The following NADSYN1 variants were observed in gnomAD, a reference collection of about 807,000 sequenced individuals.
NADSYN1 encodes glutamine-dependent NAD(+) synthetase.
Under a neutral mutation model 99.3 loss-of-function variants are expected in NADSYN1, and 80 were observed. That is an observed-to-expected ratio of 0.81 (90% CI 0.67 to 0.97). The LOEUF is 0.97. Among genes scored for constraint, NADSYN1 ranks in the 50% least tolerant of loss-of-function variants. The probability of loss-of-function intolerance (pLI) is 0.00; values close to 1 mark genes in which losing one functional copy is unlikely to be tolerated. For synonymous variants in NADSYN1, 385 were observed against 372.1 expected (o/e 1.03, Z -0.40); for missense variants, 859 against 948.5 (o/e 0.91, Z 1.24).
At chr11:71,500,202 CCTT>C (rs1260971192) in intron 20 of NADSYN1, among the ~76,000 whole-genome samples, 24 of 152,142 alleles carry the variant, frequency 1.6e-4, no homozygotes, top group Admixed American at 1.6e-3. Flanking sequence ...AGAGTAGTAA[CCTT>C]CTAATCAGGA....
intron 9 of NADSYN1, chr11:71,477,242 C>T (rs867066878): frequency 6.6e-6 from 8 of 1,214,802 alleles, no homozygotes; most frequent in Non-Finnish European, 4.2e-6. Flanking sequence ...AACCTAGCCT[C>T]GGGGAGAGTG....
At chr11:71,463,145 C>A (rs1476630627) in intron 3 of NADSYN1, among the ~76,000 whole-genome samples, 1 of 152,190 alleles carries the variant, frequency 6.6e-6, no homozygotes, top group Non-Finnish European at 1.5e-5. Context: ...GAGGCTGGAA[C>A]ATTCCAGGAG....
chr11:71,473,907 C>T (rs1364647557), intron 8 of NADSYN1, among the ~76,000 whole-genome samples: 2 of 152,256 alleles, frequency 1.3e-5, no homozygotes, highest in East Asian at 3.8e-4. Flanking sequence ...CCCTGTCACC[C>T]TCTCTGCCAT....
At chr11:71,485,308 T>C in intron 15 of NADSYN1, 1 of 348,814 alleles carries the variant, frequency 2.9e-6, no homozygotes, top group Non-Finnish European at 5.2e-6. Context: ...GGGCTCTGGG[T>C]GCTCCCATCT....
chr11:71,463,886 C>T (rs1018709177), intron 4 of NADSYN1, among the ~76,000 whole-genome samples, 167 bp from the exon 5 acceptor site: 5 of 152,194 alleles, frequency 3.3e-5, no homozygotes, highest in Non-Finnish European at 4.4e-5. Context: ...CATGGGGACC[C>T]GAGTCATAGA....
intron 3 of NADSYN1, among the ~76,000 whole-genome samples, chr11:71,463,212 C>G (rs1949561845): frequency 6.6e-6 from 1 of 152,206 alleles, no homozygotes; most frequent in African/African-American, 2.4e-5. Context: ...AGAAGCTCCT[C>G]TAGGCTTAGA....
chr11:71,468,107 T>A (rs1057032434), intron 5 of NADSYN1, among the ~76,000 whole-genome samples: 2 of 152,148 alleles, frequency 1.3e-5, no homozygotes, highest in African/African-American at 2.4e-5. Context: ...AGTGTTAGAA[T>A]CAGTAAATGC....
At chr11:71,458,784 A>T in intron 3 of NADSYN1, 2 of 482,912 alleles carry the variant, frequency 4.1e-6, no homozygotes, top group South Asian at 4.4e-5. Context: ...AGTCCTGTGC[A>T]CACATCAGCA....
In NADSYN1 at chr11:71,490,914, G is replaced by A; in HGVS notation, c.1632G>A (p.Lys544=). Residue 544 remains lysine, a synonymous_variant, in exon 17 of 21, where the codon AAG becomes AAA. Transcript: ENST00000319023. ...TCAACCCCATAGGCGGGATCAGCAA[G>A]ACGGACCTCAGGGCCTTCGTCCAGT... ...ADINPIGGIS[K]TDLRAFVQFC... is the part of the protein sequence containing the mutation. The A allele has an allele frequency of 6.2e-7, 1 of 1,614,228 alleles. No homozygotes were observed. The highest frequency in any genetic ancestry group is 8.5e-7 in the Non-Finnish European group (1 of 1,180,036).
At chr11:71,486,291 C>A (rs139069311) in intron 16 of NADSYN1, among the ~76,000 whole-genome samples, 4 of 152,162 alleles carry the variant, frequency 2.6e-5, no homozygotes, top group African/African-American at 9.7e-5. Context: ...ATCCATCTAT[C>A]CATCCATCAG....
At chr11:71,482,131 C>T (rs981392796) in intron 13 of NADSYN1, 106 bp downstream of exon 13, 8 of 1,001,470 alleles carry the variant, frequency 8.0e-6, no homozygotes, top group East Asian at 2.6e-5. Context: ...CCATGGACAT[C>T]GGGGTGAAGG....
intron 20 of NADSYN1, 157 bp downstream of exon 20, chr11:71,498,685 T>A: frequency 2.6e-6 from 2 of 779,820 alleles, no homozygotes; most frequent in South Asian, 4.1e-5. Flanking sequence ...AAGCGTTTTT[T>A]AAATTTACTT....
intron 5 of NADSYN1, among the ~76,000 whole-genome samples, chr11:71,471,689 A>C (rs1400798768): frequency 1.3e-5 from 2 of 152,204 alleles, no homozygotes; most frequent in Non-Finnish European, 2.9e-5. Flanking sequence ...ATGGCGAGGC[A>C]GCCTGCAGTT....
chr11:71,453,509 T>C (rs2120378532), intron 1 of NADSYN1, 128 bp downstream of exon 1: 2 of 814,624 alleles, frequency 2.5e-6, no homozygotes, highest in Admixed American at 2.3e-5. Context: ...TGGGATCAGG[T>C]GAGATAATGG....
At position 71,458,444 on chromosome 11, in the gene NADSYN1, G is replaced by A. The variant is rs2120395182; in HGVS notation, c.163G>A (p.Asp55Asn). 6.2e-7 allele frequency: 1 copy of A among 1,613,890 alleles called. No homozygotes were observed. Among genetic ancestry groups the A allele is most frequent in the South Asian group, 1.1e-5 (1 of 91,072 alleles). Residue 55 changes from aspartate to asparagine, a missense_variant, in exon 3 of 21, where the codon GAT becomes AAT. Coordinates refer to ENST00000319023, the MANE Select transcript of NADSYN1 (RefSeq NM_018161.5). ...ELEICGYGCW[D>N]HYYESDTLLH... Reference sequence around the variant, plus strand: ...TCTCTGCAGCGGCTACGGATGTTGGGATCATTATTACGAGTCGGACACCCT... The same window carrying A: ...TCTCTGCAGCGGCTACGGATGTTGGAATCATTATTACGAGTCGGACACCCT...
intron 13 of NADSYN1, 155 bp from the exon 14 acceptor site, chr11:71,482,694 T>C: frequency 4.2e-6 from 2 of 476,382 alleles, no homozygotes; most frequent in Non-Finnish European, 6.9e-6. Flanking sequence ...CACAGGCACC[T>C]GGGGGTGTAG....
At chr11:71,471,623 T>C (rs1200360703) in intron 5 of NADSYN1, among the ~76,000 whole-genome samples, 1 of 152,180 alleles carries the variant, frequency 6.6e-6, no homozygotes, top group Non-Finnish European at 1.5e-5. Context: ...TGCATTTCGG[T>C]GCAGCAGCAT....
At position 71,474,434 on chromosome 11, in the gene NADSYN1, G is replaced by A. The variant is rs1279644018; in HGVS notation, c.706G>A (p.Asp236Asn). Residue 236 changes from aspartate (D) to asparagine (N), a missense_variant, in exon 9 of 21, where the codon GAC becomes AAC. Physicochemically the swap from Asp to Asn is conservative, Grantham distance 23. Coordinates refer to ENST00000319023, the MANE Select transcript of NADSYN1 (RefSeq NM_018161.5). The stretch of plus-strand genomic sequence containing the variant: ...CTTGCTGGCCAACCAGAAGGGTTGT[G>A]ACGGGGACCGCCTGTACTACGACGG... ...IYLLANQKGC[D>N]GDRLYYDGCA... 7 of 1,614,180 alleles carry A rather than the reference G, an allele frequency of 4.3e-6. No individual in the cohort carries two copies. Among genetic ancestry groups the A allele is most frequent in the South Asian group, 2.2e-5 (2 of 91,078 alleles).
At chr11:71,473,712 G>A (rs372982129) in intron 8 of NADSYN1, 26 bp downstream of exon 8, 32 of 1,521,902 alleles carry the variant, frequency 2.1e-5, no homozygotes, top group African/African-American at 9.6e-5. Context: ...GGGAGCGTGC[G>A]CCACAGGGCA....
Sources: gnomAD v4.1 joint callset for allele counts (sites outside exome capture counted in the v4.1 genomes callset) on GRCh38, gnomAD v4.1.1 for gene constraint, MANE v1.5 for transcripts, NCBI Gene and HGNC (gene_info 2026-07-23, HGNC 2026-07-21) for gene names.